The following NLGN4X variants were observed in gnomAD, a reference collection of about 807,000 sequenced individuals.
The protein encoded by NLGN4X is neuroligin 4 X-linked.
Under a neutral mutation model 40.3 loss-of-function variants are expected in NLGN4X, and 3 were observed. That is an observed-to-expected ratio of 0.07 (90% CI 0.03 to 0.19). The LOEUF is 0.19. Among genes scored for constraint, NLGN4X ranks in the 10% least tolerant of loss-of-function variants. NLGN4X has a pLI of 1.00. For missense variants in NLGN4X, 382 were observed against 708.3 expected (o/e 0.54, Z 5.23); for synonymous variants, 270 against 306.8 (o/e 0.88, Z 1.25).
chrX:5,972,334 T>G (rs1036853743), intron 3 of NLGN4X, among the ~76,000 whole-genome samples: 1 of 111,279 alleles, frequency 9.0e-6, no homozygotes, highest in African/African-American at 3.3e-5. Context: ...GTGTACCCCA[T>G]TTATTATACT....
intron 5 of NLGN4X, among the ~76,000 whole-genome samples, chrX:5,897,200 C>T (rs1036867195): frequency 1.8e-5 from 2 of 111,585 alleles, no homozygotes; most frequent in African/African-American, 6.5e-5. Flanking sequence ...TATTATAATG[C>T]ATTGTTTGGT....
chrX:5,901,616 T>C (rs892147237), intron 5 of NLGN4X, among the ~76,000 whole-genome samples: 1 of 111,021 alleles, frequency 9.0e-6, no homozygotes. Context: ...TTCTACTATA[T>C]TTAGGCCAAT....
At chrX:6,101,507 G>T (rs901677204) in intron 2 of NLGN4X, among the ~76,000 whole-genome samples, 25 of 111,808 alleles carry the variant, frequency 2.2e-4, no homozygotes, top group African/African-American at 8.1e-4. Context: ...ATCAGATCCT[G>T]TCATTTACAA....
intron 3 of NLGN4X, among the ~76,000 whole-genome samples, chrX:5,955,248 G>C (rs2034455791): frequency 9.0e-6 from 1 of 111,524 alleles, no homozygotes; most frequent in Admixed American, 9.6e-5. Flanking sequence ...TCATCAGTAA[G>C]TGATATAGAA....
At chrX:6,110,653 C>T (rs1158535097) in intron 2 of NLGN4X, among the ~76,000 whole-genome samples, 1 of 111,630 alleles carries the variant, frequency 9.0e-6, no homozygotes, top group East Asian at 2.8e-4. Context: ...CTAGGAGGAG[C>T]ATATCTGGAC....
At chrX:6,221,668 A>G (rs1251909698) in intron 1 of NLGN4X, among the ~76,000 whole-genome samples, 2 of 109,559 alleles carry the variant, frequency 1.8e-5, no homozygotes, top group Non-Finnish European at 3.8e-5. Flanking sequence ...TCCCCACCTA[A>G]CCCATTCACA....
chrX:6,028,138 T>C (rs778551624), intron 3 of NLGN4X, among the ~76,000 whole-genome samples: 1 of 111,824 alleles, frequency 8.9e-6, no homozygotes, highest in South Asian at 3.8e-4. Context: ...TTGTATTTCA[T>C]ATTGTATCAT....
At chrX:5,895,920 G>A (rs2031461985) in intron 5 of NLGN4X, among the ~76,000 whole-genome samples, 1 of 111,705 alleles carries the variant, frequency 9.0e-6, no homozygotes, top group South Asian at 3.7e-4. Flanking sequence ...TAAGTCCTCT[G>A]AAATAATTTT....
intron 2 of NLGN4X, among the ~76,000 whole-genome samples, chrX:6,098,133 A>T (rs936666550): frequency 5.4e-5 from 6 of 110,825 alleles, no homozygotes; most frequent in African/African-American, 2.0e-4. Context: ...CCTTGCCTCT[A>T]CAAAAAATAA....
chrX:5,917,646 C>T (rs1345844229), intron 3 of NLGN4X, among the ~76,000 whole-genome samples: 3 of 112,008 alleles, frequency 2.7e-5, no homozygotes, highest in Non-Finnish European at 3.8e-5. Flanking sequence ...AACAGCATTG[C>T]GCTTGGTGTG....
At chrX:6,199,190 C>T (rs1241063870) in intron 1 of NLGN4X, among the ~76,000 whole-genome samples, 1 of 111,248 alleles carries the variant, frequency 9.0e-6, no homozygotes, top group African/African-American at 3.3e-5. Context: ...TGATTTGTAC[C>T]CTAAGTTATC....
chrX:5,941,283 A>G (rs13440491), intron 3 of NLGN4X, among the ~76,000 whole-genome samples: 3,073 of 108,526 alleles, frequency 0.028, 117 homozygotes, highest in African/African-American at 0.098. Context: ...AGAAATAGCA[A>G]TTAAAAGTCC....
chrX:6,210,535 C>T (rs896679150), intron 1 of NLGN4X, among the ~76,000 whole-genome samples: 5 of 111,707 alleles, frequency 4.5e-5, no homozygotes, highest in African/African-American at 1.3e-4. Context: ...AGAGCTGTCA[C>T]GTAGCTGGCC....
intron 3 of NLGN4X, among the ~76,000 whole-genome samples, chrX:5,989,802 G>A (rs1309890235): frequency 9.0e-6 from 1 of 111,561 alleles, no homozygotes. Context: ...GCCTCAAGCT[G>A]TGGACAGTAC....
intron 3 of NLGN4X, among the ~76,000 whole-genome samples, chrX:6,011,478 T>C (rs1391263964): frequency 6.3e-5 from 7 of 110,694 alleles, no homozygotes; most frequent in Admixed American, 3.9e-4. Flanking sequence ...TTCTTTATAA[T>C]GGCCATTTTT....
At chrX:6,175,451 T>C (rs746807778) in intron 1 of NLGN4X, among the ~76,000 whole-genome samples, 44 of 110,134 alleles carry the variant, frequency 4.0e-4, no homozygotes, top group Admixed American at 1.4e-3. Flanking sequence ...TCATAAAGCA[T>C]TTGTTTTTGT....
In NLGN4X at chrX:6,216,704, A is replaced by G. The variant is rs1179181565; in HGVS notation, c.-306+11837T>C. 2.7e-5 allele frequency among the ~76,000 whole-genome samples: 3 copies of G among 112,673 alleles called. No homozygotes were observed. In the Admixed American group the frequency reaches 2.8e-4, roughly 11 times the overall value. On this transcript the variant is annotated intron_variant, in intron 1 of 5. Coordinates refer to ENST00000381095, the MANE Select transcript of NLGN4X (RefSeq NM_181332.3). ...TTTTCATAAGCTATGTTTAAAGTCA[A>G]TAGAGAAAAGGTAAATGCATACCCT... is the stretch of plus-strand genomic sequence containing the variant.
In NLGN4X at chrX:6,029,263, A is replaced by C. The variant is rs1044118859; in HGVS notation, c.625+17T>G. Reference sequence around the variant, plus strand: ...TGTTTCCTCTTGCTCAGTCATTCACATGATGAAATCACTTACCTAGTATTC... The same window carrying C: ...TGTTTCCTCTTGCTCAGTCATTCACCTGATGAAATCACTTACCTAGTATTC... On this transcript the variant is annotated intron_variant, in intron 3 of 5. Transcript: ENST00000381095. The C allele has an allele frequency of 8.3e-7, 1 of 1,207,335 alleles. No individual in the cohort carries two copies. Among genetic ancestry groups the C allele is most frequent in the Non-Finnish European group, 1.1e-6 (1 of 893,300 alleles).
At chrX:6,154,048 G>A (rs1427967073) in intron 1 of NLGN4X, among the ~76,000 whole-genome samples, 1 of 112,208 alleles carries the variant, frequency 8.9e-6, no homozygotes, top group African/African-American at 3.2e-5. Flanking sequence ...CCCCATCTCA[G>A]TATAAATGAC....
Sources: allele counts gnomAD v4.1 joint callset (sites outside exome capture counted in the v4.1 genomes callset), GRCh38; gene constraint gnomAD v4.1.1; transcripts MANE v1.5; gene names NCBI Gene and HGNC (gene_info 2026-07-23, HGNC 2026-07-21).